CHL1: variants seen among roughly 807,000 people sequenced by gnomAD.
CHL1 encodes cell adhesion molecule L1 like.
A neutral mutation model predicts 141.9 loss-of-function variants in CHL1; 96 were observed. The ratio of observed to expected loss-of-function variants is 0.68; its 90% CI spans 0.57 to 0.80. CHL1 has a LOEUF of 0.80. Among genes scored for constraint, CHL1 ranks in the 30% least tolerant of loss-of-function variants. The pLI is 0.00. For missense variants in CHL1, 1,820 were observed against 1,457.2 expected (o/e 1.25, Z -4.05); for synonymous variants, 613 against 502.2 (o/e 1.22, Z -2.95).
At chr3:218,253 C>G (rs149355637) in intron 1 of CHL1, among the ~76,000 whole-genome samples, 454 of 152,272 alleles carry the variant, frequency 3.0e-3, no homozygotes, top group African/African-American at 0.01. Context: ...GAAAGAATTC[C>G]TGAATACTTT....
At chr3:352,981 T>C (rs147024952) in intron 10 of CHL1, among the ~76,000 whole-genome samples, 254 of 152,318 alleles carry the variant, frequency 1.7e-3, no homozygotes, top group Admixed American at 6.0e-3. Context: ...TGTGTATTTA[T>C]CTGTGGAATG....
At chr3:276,820 C>A (rs1179319182) in intron 2 of CHL1, among the ~76,000 whole-genome samples, 1 of 139,058 alleles carries the variant, frequency 7.2e-6, no homozygotes, top group East Asian at 2.2e-4. Flanking sequence ...ACCTGGAAGT[C>A]GGAGGTTGCA....
chr3:267,524 T>A (rs1327123941), intron 2 of CHL1, among the ~76,000 whole-genome samples: 1 of 152,246 alleles, frequency 6.6e-6, no homozygotes, highest in Non-Finnish European at 1.5e-5. Flanking sequence ...ACGAGGATTT[T>A]TGATTTTATG....
chr3:385,403 C>T (rs1707562649), intron 19 of CHL1, among the ~76,000 whole-genome samples: 1 of 152,128 alleles, frequency 6.6e-6, no homozygotes, highest in Admixed American at 6.5e-5. Flanking sequence ...TGGGCTGAGT[C>T]ATATGGAAAA....
chr3:358,886 T>C (rs1455846702), intron 11 of CHL1, among the ~76,000 whole-genome samples: 1 of 151,068 alleles, frequency 6.6e-6, no homozygotes, highest in African/African-American at 2.4e-5. Flanking sequence ...TCCTTTAAAC[T>C]AAAAATTTTT....
At chr3:291,654 A>G (rs1263568881) in intron 2 of CHL1, among the ~76,000 whole-genome samples, 1 of 152,034 alleles carries the variant, frequency 6.6e-6, no homozygotes, top group East Asian at 1.9e-4. Flanking sequence ...AATACATACT[A>G]TTACTCTCCA....
chr3:297,595 A>C (rs994929626), intron 2 of CHL1, among the ~76,000 whole-genome samples: 5 of 152,234 alleles, frequency 3.3e-5, no homozygotes, highest in Non-Finnish European at 7.3e-5. Context: ...ACAATACTTC[A>C]AACACCGTGA....
intron 2 of CHL1, among the ~76,000 whole-genome samples, chr3:316,527 C>T (rs375191628): frequency 2.6e-5 from 4 of 151,760 alleles, no homozygotes; most frequent in African/African-American, 9.7e-5. Flanking sequence ...ACCCAGTTTA[C>T]CCAGATTCAT....
At chr3:281,242 G>A (rs1434681777) in intron 2 of CHL1, among the ~76,000 whole-genome samples, 4 of 152,250 alleles carry the variant, frequency 2.6e-5, no homozygotes, top group African/African-American at 9.6e-5. Context: ...TAGTAATTGT[G>A]CAGTATCTCA....
intron 3 of CHL1, among the ~76,000 whole-genome samples, chr3:324,923 T>C (rs915788062): frequency 1.3e-5 from 2 of 151,990 alleles, no homozygotes; most frequent in African/African-American, 4.8e-5. Context: ...GTTTGTCTTG[T>C]AGATTACTTA....
At chr3:364,656 A>G (rs1704640812) in intron 14 of CHL1, among the ~76,000 whole-genome samples, 3 of 152,196 alleles carry the variant, frequency 2.0e-5, no homozygotes, top group East Asian at 3.8e-4. Flanking sequence ...TTACATATAC[A>G]AAAGGCATGT....
chr3:252,382 A>G (rs1392160715), intron 2 of CHL1, among the ~76,000 whole-genome samples: 1 of 139,134 alleles, frequency 7.2e-6, no homozygotes. Context: ...ATATATATAT[A>G]TATATATATA....
chr3:295,075 T>G (rs950384280), intron 2 of CHL1, among the ~76,000 whole-genome samples: 3 of 152,214 alleles, frequency 2.0e-5, no homozygotes, highest in Admixed American at 6.5e-5. Flanking sequence ...TTTCTTTTCT[T>G]TCTTTGCCTC....
chr3:271,251 T>C (rs1695610606), intron 2 of CHL1, among the ~76,000 whole-genome samples: 1 of 152,184 alleles, frequency 6.6e-6, no homozygotes, highest in African/African-American at 2.4e-5. Flanking sequence ...CTTACCAAAA[T>C]GAAAGCAAAA....
intron 2 of CHL1, among the ~76,000 whole-genome samples, chr3:315,048 A>G (rs906033523): frequency 6.6e-6 from 1 of 152,150 alleles, no homozygotes; most frequent in African/African-American, 2.4e-5. Context: ...TTGTAACTCT[A>G]ATAGCATCCA....
intron 15 of CHL1, among the ~76,000 whole-genome samples, chr3:375,842 C>T (rs115951193): frequency 2.0e-5 from 3 of 152,132 alleles, no homozygotes; most frequent in African/African-American, 4.8e-5. Flanking sequence ...GGAACTGAGC[C>T]GCAAACACAG....
chr3:404,491 T>A (rs1252475005), intron 27 of CHL1, among the ~76,000 whole-genome samples: 1 of 152,146 alleles, frequency 6.6e-6, no homozygotes, highest in East Asian at 1.9e-4. Context: ...ATTTAGAAGA[T>A]CATACCATTT....
chr3:226,481 G>A (rs1211482205), intron 1 of CHL1, among the ~76,000 whole-genome samples: 3 of 148,372 alleles, frequency 2.0e-5, no homozygotes, highest in Admixed American at 1.4e-4. Context: ...TTGCTCTGTC[G>A]CCCAGGCTGG....
At chr3:231,515 G>T (rs933715299) in intron 1 of CHL1, among the ~76,000 whole-genome samples, 16 of 149,596 alleles carry the variant, frequency 1.1e-4, no homozygotes, top group Middle Eastern at 3.4e-3. Flanking sequence ...AATAAAAAAA[G>T]AAGTTTATAT....
Sources: gnomAD v4.1 joint callset for allele counts (sites outside exome capture counted in the v4.1 genomes callset) on GRCh38, gnomAD v4.1.1 for gene constraint, MANE v1.5 for transcripts, NCBI Gene and HGNC (gene_info 2026-07-23, HGNC 2026-07-21) for gene names.